The following DOCK2 variants were observed in gnomAD, a reference collection of about 807,000 sequenced individuals.
DOCK2 encodes dedicator of cytokinesis protein 2.
Under a neutral mutation model 248.9 loss-of-function variants are expected in DOCK2, and 87 were observed. The ratio of observed to expected loss-of-function variants is 0.35; its 90% confidence interval spans 0.29 to 0.42. DOCK2 has a LOEUF of 0.42. Among genes scored for constraint, DOCK2 ranks in the 10% least tolerant of loss-of-function variants. DOCK2 has a pLI of 1.00. For missense variants in DOCK2, 1,747 were observed against 2,300.2 expected, an observed-to-expected ratio of 0.76 and a Z score of 4.92; for synonymous variants, 805 against 821.6, an observed-to-expected ratio of 0.98 and a Z score of 0.35.
intron 15 of DOCK2, among the ~76,000 whole-genome samples, chr5:169,710,098 A>C (rs1358585353): frequency 1.3e-5 from 2 of 152,224 alleles, no homozygotes; most frequent in African/African-American, 4.8e-5. Flanking sequence ...GAGGCCAGTC[A>C]TGAACATACT....
At chr5:170,025,891 G>T in intron 33 of DOCK2, among the ~76,000 whole-genome samples, 1 of 145,646 alleles carries the variant, frequency 6.9e-6, no homozygotes, top group Admixed American at 7.1e-5. Context: ...ATTCTTCTCT[G>T]CTCAAGCTGA....
At chr5:169,668,174 C>A (rs550312073) in intron 2 of DOCK2, among the ~76,000 whole-genome samples, 5 of 152,282 alleles carry the variant, frequency 3.3e-5, no homozygotes, top group Non-Finnish European at 1.5e-5. Flanking sequence ...CTACTTCATG[C>A]GGTTGTTATG....
chr5:169,867,327 C>A (rs1401310400), intron 27 of DOCK2, among the ~76,000 whole-genome samples: 1 of 152,122 alleles, frequency 6.6e-6, no homozygotes, highest in East Asian at 1.9e-4. Flanking sequence ...GCTCCTGAGG[C>A]CTAACTCACC....
intron 27 of DOCK2, among the ~76,000 whole-genome samples, chr5:169,900,240 C>T (rs1267621070): frequency 6.6e-6 from 1 of 152,172 alleles, no homozygotes; most frequent in Non-Finnish European, 1.5e-5. Flanking sequence ...CATCCCAGGC[C>T]CTAACCTGTT....
At chr5:169,644,819 A>G (rs1268999893) in intron 1 of DOCK2, among the ~76,000 whole-genome samples, 2 of 151,782 alleles carry the variant, frequency 1.3e-5, no homozygotes, top group Non-Finnish European at 2.9e-5. Context: ...GACAGGCCCC[A>G]GTGTGTGATG....
At chr5:169,971,140 G>C (rs1404452883) in intron 27 of DOCK2, among the ~76,000 whole-genome samples, 6 of 150,374 alleles carry the variant, frequency 4.0e-5, no homozygotes, top group Non-Finnish European at 5.9e-5. Flanking sequence ...AGGGAAGTGG[G>C]ACAAATGTGA....
chr5:170,072,783 C>G (rs148767980), intron 46 of DOCK2, among the ~76,000 whole-genome samples: 2 of 152,114 alleles, frequency 1.3e-5, no homozygotes, highest in Non-Finnish European at 2.9e-5. Context: ...ATGTTCAGCA[C>G]CTTTTCATAT....
At position 169,713,179 on chromosome 5, in the gene DOCK2, G is replaced by C. The variant is rs188048018; in HGVS notation, c.1660-849G>C. Among the ~76,000 whole-genome samples, 8 of 152,282 alleles carry C rather than the reference G, an allele frequency of 5.3e-5. No individual in the cohort carries two copies. In the East Asian group the frequency reaches 1.5e-3, roughly 29 times the overall value. On this transcript the variant is annotated intron_variant, in intron 17 of 51. Coordinates refer to ENST00000520908, the MANE Select transcript of DOCK2 (RefSeq NM_004946.3). ...TCATTTATCACACATAGAATTCTTG[G>C]CTTGAAAGCCCTTCTTCCCTGACAG...
chr5:169,837,438 A>G (rs78944218), intron 26 of DOCK2, among the ~76,000 whole-genome samples: 126 of 152,260 alleles, frequency 8.3e-4, no homozygotes, highest in African/African-American at 2.9e-3. Flanking sequence ...TTTGGGTGAC[A>G]TTTAGATATC....
chr5:169,645,658 A>T (rs2113117054), intron 1 of DOCK2, among the ~76,000 whole-genome samples: 1 of 152,202 alleles, frequency 6.6e-6, no homozygotes, highest in South Asian at 2.1e-4. Context: ...TTTTTGCTGC[A>T]ATTGCTTTTG....
intron 27 of DOCK2, among the ~76,000 whole-genome samples, chr5:169,913,703 A>G (rs1437355980): frequency 1.4e-5 from 2 of 144,028 alleles, no homozygotes; most frequent in African/African-American, 2.7e-5. Context: ...GTGCAGTCTT[A>G]CCACGCCCTC....
At chr5:170,052,034 C>T (rs1756935522) in intron 41 of DOCK2, among the ~76,000 whole-genome samples, 1 of 152,192 alleles carries the variant, frequency 6.6e-6, no homozygotes, top group Admixed American at 6.5e-5. Flanking sequence ...ATAGGGCCAA[C>T]TGCTGAGCCA....
rs746640875 is a variant in DOCK2, at chr5:169,712,250, A to G, written c.1659+27A>G. The stretch of plus-strand genomic sequence containing the variant: ...TACCATGAGTTGGAAGGAGCTCTGC[A>G]CTGAGGGGAGTGCAGGAAGAAAGGG... On this transcript the variant is annotated intron_variant, in intron 17 of 51. Transcript: ENST00000520908. The G allele has an allele frequency of 1.6e-5, 25 of 1,608,044 alleles. No homozygotes were observed. The Admixed American group carries it at 3.8e-4, about 25-fold the overall frequency.
intron 25 of DOCK2, among the ~76,000 whole-genome samples, chr5:169,771,734 CA>C (rs1402076283): frequency 6.6e-6 from 1 of 152,114 alleles, no homozygotes; most frequent in African/African-American, 2.4e-5. Context: ...TTTTCATGAG[CA>C]AAAGTTCTTA....
intron 2 of DOCK2, among the ~76,000 whole-genome samples, chr5:169,664,133 T>A (rs1245348970): frequency 6.6e-6 from 1 of 152,230 alleles, no homozygotes; most frequent in East Asian, 1.9e-4. Flanking sequence ...ATACCCTAAA[T>A]CATCTCTCTT....
In DOCK2 at chr5:169,736,156, G is replaced by A. The variant is rs188133940; in HGVS notation, c.2268-11240G>A. 9.2e-5 allele frequency among the ~76,000 whole-genome samples: 14 copies of A among 152,314 alleles called. No individual in the cohort carries two copies. In the East Asian group the frequency reaches 1.3e-3, roughly 15 times the overall value. On this transcript the variant is annotated intron_variant, in intron 22 of 51. Transcript: ENST00000520908. Reference sequence around the variant, plus strand: ...TTACAATTTGACAGGAGATTTGGGCGGGGATGTGGAACCAAACCATATCAC... The same window carrying A: ...TTACAATTTGACAGGAGATTTGGGCAGGGATGTGGAACCAAACCATATCAC...
intron 41 of DOCK2, 31 bp from the exon 42 acceptor site, chr5:170,055,274 A>C: frequency 1.2e-6 from 2 of 1,607,896 alleles, no homozygotes; most frequent in Non-Finnish European, 1.7e-6. Context: ...CGCAGCCAAC[A>C]GATATAAGTC....
intron 15 of DOCK2, among the ~76,000 whole-genome samples, chr5:169,711,373 G>A (rs970371301): frequency 6.6e-6 from 1 of 152,198 alleles, no homozygotes; most frequent in Non-Finnish European, 1.5e-5. Context: ...TGGGTGACCA[G>A]TGGGTTGTTG....
intron 27 of DOCK2, among the ~76,000 whole-genome samples, chr5:169,941,307 A>G (rs549302564): frequency 1.2e-4 from 19 of 152,296 alleles, no homozygotes; most frequent in African/African-American, 4.6e-4. Context: ...TCCTGGGTTC[A>G]AGCAATTCTC....
Sources: allele counts gnomAD v4.1 joint callset (sites outside exome capture counted in the v4.1 genomes callset), GRCh38; gene constraint gnomAD v4.1.1; transcripts MANE v1.5; gene names NCBI Gene and HGNC (gene_info 2026-07-23, HGNC 2026-07-21).